Variants in NT5DC3 observed in about 807,000 individuals in gnomAD.
NT5DC3 encodes 5'-nucleotidase domain-containing protein 3.
In NT5DC3, 42 loss-of-function variants were observed where a neutral mutation model predicts 67.8. The ratio of observed to expected loss-of-function variants is 0.62; its 90% confidence interval spans 0.48 to 0.80. The LOEUF (loss-of-function observed/expected upper bound fraction) is 0.80. Ranked by LOEUF, NT5DC3 falls within the 30% of genes least tolerant of loss-of-function variation. The pLI is 0.00. For missense variants in NT5DC3, 570 were observed against 696.4 expected (o/e 0.82, Z 2.04); for synonymous variants, 237 against 255.6 (o/e 0.93, Z 0.69).
intron 1 of NT5DC3, among the ~76,000 whole-genome samples, chr12:103,837,116 C>T (rs933844443): frequency 3.3e-5 from 5 of 152,240 alleles, no homozygotes; most frequent in Non-Finnish European, 4.4e-5. Context: ...TTCTTGACTT[C>T]GGTGCACCCG....
the NT5DC3 span, among the ~76,000 whole-genome samples, chr12:103,751,105 G>A: frequency 6.6e-6 from 1 of 152,330 alleles, no homozygotes; most frequent in South Asian, 2.1e-4. Flanking sequence ...CCAAGGCAGA[G>A]GGACTTCAGT....
the NT5DC3 span, among the ~76,000 whole-genome samples, chr12:103,755,877 T>C: frequency 2.0e-5 from 3 of 152,178 alleles, no homozygotes; most frequent in African/African-American, 7.2e-5. Context: ...TGCCACTCAC[T>C]TGTAAAACCT....
intron 3 of NT5DC3, 128 bp downstream of exon 3, chr12:103,806,727 A>C (rs1886815723): frequency 1.6e-6 from 1 of 631,826 alleles, no homozygotes; most frequent in Non-Finnish European, 2.8e-6. Flanking sequence ...ATGTGAATAA[A>C]TTTGGTTCTG....
chr12:103,823,725 A>C (rs1465454700), intron 1 of NT5DC3, among the ~76,000 whole-genome samples: 1 of 152,250 alleles, frequency 6.6e-6, no homozygotes, highest in Non-Finnish European at 1.5e-5. Context: ...TTTTAAAAGT[A>C]TACCTATGGA....
chr12:103,766,517 C>A (rs1477607438), downstream of NT5DC3: 67 of 646,046 alleles, frequency 1.0e-4, no homozygotes, highest in Non-Finnish European at 4.4e-5. Context: ...TGTGCCCACC[C>A]AGTACAGCTT....
intron 2 of NT5DC3, among the ~76,000 whole-genome samples, chr12:103,812,467 G>A (rs961935122): frequency 5.3e-5 from 8 of 152,096 alleles, no homozygotes; most frequent in Non-Finnish European, 1.2e-4. Flanking sequence ...TAAATCTAGA[G>A]GCTTTTCAAA....
At position 103,815,077 on chromosome 12, in the gene NT5DC3, T is replaced by C; in HGVS notation, c.253A>G (p.Ile85Val). The stretch of plus-strand genomic sequence containing the variant: ...AGGCTCATTTCATTGTTTGAGAAAA[T>C]GGCATCTGGATTCAACAAGTTGCTC... ...IMSNLLNPDA[I>V]FSNNEMSLSD... The change falls in exon 2 of 14, where the codon ATT becomes GTT. Residue 85 changes from isoleucine to valine, a missense_variant. Ile to Val is a conservative substitution (Grantham distance 29). Coordinates refer to ENST00000392876, the MANE Select transcript of NT5DC3 (RefSeq NM_001031701.3). 1 of 1,612,860 alleles carries C rather than the reference T, an allele frequency of 6.2e-7. No individual in the cohort carries two copies. Among genetic ancestry groups the C allele is most frequent in the Non-Finnish European group, 8.5e-7 (1 of 1,179,512 alleles).
chr12:103,785,926 T>A (rs977402661), intron 11 of NT5DC3, among the ~76,000 whole-genome samples: 1 of 152,024 alleles, frequency 6.6e-6, no homozygotes, highest in Non-Finnish European at 1.5e-5. Flanking sequence ...AACATAAGCA[T>A]GCATGATCAC....
chr12:103,799,454 G>A (rs1424920486), intron 4 of NT5DC3, among the ~76,000 whole-genome samples: 1 of 152,148 alleles, frequency 6.6e-6, no homozygotes, highest in African/African-American at 2.4e-5. Context: ...CCTTTCACTT[G>A]GCTCTCATAC....
At chr12:103,755,179 G>A in the NT5DC3 span, 10 of 1,352,952 alleles carry the variant, frequency 7.4e-6, no homozygotes, top group Middle Eastern at 1.9e-4. Context: ...AGGCACAGAG[G>A]TGCAATAGGC....
At chr12:103,797,101 G>A in intron 5 of NT5DC3, 70 bp from the exon 6 acceptor site, 2 of 1,531,862 alleles carry the variant, frequency 1.3e-6, no homozygotes, top group Admixed American at 1.7e-5. Flanking sequence ...CGAAGCACCA[G>A]GAACAGCAGG....
intron 1 of NT5DC3, among the ~76,000 whole-genome samples, chr12:103,836,836 C>T (rs961120004): frequency 2.0e-5 from 3 of 152,016 alleles, no homozygotes; most frequent in African/African-American, 7.2e-5. Flanking sequence ...CACGGGTGGG[C>T]GTCGAATGTC....
At chr12:103,835,019 C>A (rs919997626) in intron 1 of NT5DC3, among the ~76,000 whole-genome samples, 1 of 152,186 alleles carries the variant, frequency 6.6e-6, no homozygotes, top group Non-Finnish European at 1.5e-5. Flanking sequence ...CATCCCTGAG[C>A]CCCTGGGCCT....
chr12:103,836,654 G>A (rs909613448), intron 1 of NT5DC3, among the ~76,000 whole-genome samples: 1 of 151,338 alleles, frequency 6.6e-6, no homozygotes, highest in Non-Finnish European at 1.5e-5. Flanking sequence ...CCCTCAATTG[G>A]AATGTTTTCC....
rs1215101436 is a variant in NT5DC3, at chr12:103,788,846, A to G, written c.1093T>C (p.Tyr365His). ...AGCTGGTCATGAGATACCTGCTTGTATATCTGGCCTTTCTGCAACTTATGG... is the reference window on the plus strand; with the variant it reads ...AGCTGGTCATGAGATACCTGCTTGTGTATCTGGCCTTTCTGCAACTTATGG... Reference protein sequence around the residue: ...KIHKLQKGQIYKQGNLYEFLK... With the variant: ...KIHKLQKGQIHKQGNLYEFLK... Residue 365 changes from tyrosine (Y) to histidine (H), a missense_variant, in exon 10 of 14, where the codon TAC becomes CAC. Coordinates refer to ENST00000392876, the MANE Select transcript of NT5DC3 (RefSeq NM_001031701.3). The G allele has an allele frequency of 6.2e-7, 1 of 1,608,656 alleles. No homozygotes were observed. Among genetic ancestry groups the G allele is most frequent in the Admixed American group, 1.7e-5 (1 of 60,010 alleles).
chr12:103,758,135 G>T, the NT5DC3 span: 1 of 1,613,326 alleles, frequency 6.2e-7, no homozygotes, highest in East Asian at 2.2e-5. Flanking sequence ...GCACACCAGG[G>T]CTGGCCCCTC....
intron 4 of NT5DC3, among the ~76,000 whole-genome samples, chr12:103,805,114 T>C (rs1433644127): frequency 6.7e-6 from 1 of 149,666 alleles, no homozygotes; most frequent in Admixed American, 6.6e-5. Flanking sequence ...ATGTAAACAG[T>C]GACCAGTACA....
At chr12:103,764,293 C>T in the NT5DC3 span, among the ~76,000 whole-genome samples, 1 of 152,166 alleles carries the variant, frequency 6.6e-6, no homozygotes, top group African/African-American at 2.4e-5. Context: ...CATTGTTGTC[C>T]AAGATTTTAC....
At chr12:103,798,387 C>T (rs1321214907) in intron 5 of NT5DC3, among the ~76,000 whole-genome samples, 200 bp downstream of exon 5, 1 of 152,078 alleles carries the variant, frequency 6.6e-6, no homozygotes, top group Non-Finnish European at 1.5e-5. Context: ...GTGAAAAGAG[C>T]CTTCATCAGG....
Sources: allele counts gnomAD v4.1 joint callset (sites outside exome capture counted in the v4.1 genomes callset), GRCh38; gene constraint gnomAD v4.1.1; transcripts MANE v1.5; gene names NCBI Gene and HGNC (gene_info 2026-07-23, HGNC 2026-07-21).